HEXB: variants seen among roughly 807,000 people sequenced by gnomAD.
HEXB encodes hexosaminidase subunit beta, also known as beta-hexosaminidase subunit beta.
In HEXB, 51 loss-of-function variants were observed where a neutral mutation model predicts 71.2. The observed-to-expected ratio is 0.72, with a 90% CI of 0.57 to 0.90. HEXB has a LOEUF of 0.90. Ranked by LOEUF, HEXB falls within the 40% of genes least tolerant of loss-of-function variation. The pLI, the probability that HEXB is intolerant of heterozygous loss-of-function variation, is 0.00. For missense variants in HEXB, 617 were observed against 677.0 expected (o/e 0.91, Z 0.98); for synonymous variants, 266 against 249.3 (o/e 1.07, Z -0.63).
rs555505214 is a variant in HEXB, at chr5:74,644,653, G to T, written c.-377+4095G>T. ...GGAAGACAAAGGGTCTAAATCGATA[G>T]TTTTCTAAATTTTGGTTTGCCATCT... is the stretch of plus-strand genomic sequence containing the variant. On this transcript the variant is annotated intron_variant, in intron 1 of 13. Transcript: ENST00000511181. Among the ~76,000 whole-genome samples the T allele has an allele frequency of 4.0e-5, 6 of 149,684 alleles. No individual in the cohort carries two copies. The South Asian group carries it at 1.3e-3, about 32-fold the overall frequency.
At chr5:74,690,647 C>A (rs1232290061) in intron 2 of HEXB, among the ~76,000 whole-genome samples, 1 of 86,988 alleles carries the variant, frequency 1.1e-5, no homozygotes, top group Non-Finnish European at 2.1e-5. Context: ...GTGAGACAGT[C>A]TCAAAAAAAA....
At chr5:74,690,646 T>C (rs1253967088) in intron 2 of HEXB, among the ~76,000 whole-genome samples, 5 of 71,830 alleles carry the variant, frequency 7.0e-5, no homozygotes, top group African/African-American at 2.8e-4. Flanking sequence ...AGTGAGACAG[T>C]CTCAAAAAAA....
At chr5:74,681,639 T>C (rs1748740844), upstream of HEXB, among the ~76,000 whole-genome samples, 1 of 152,198 alleles carries the variant, frequency 6.6e-6, no homozygotes, top group Admixed American at 6.5e-5. Context: ...TCAGAGTTAA[T>C]AACGGGGTGC....
At position 74,685,344 on chromosome 5, in the gene HEXB, G is replaced by T. The variant is rs1446965772; in HGVS notation, c.84G>T (p.Ala28=). The change falls in exon 1 of 14, where the codon GCG becomes GCT. Residue 28 remains alanine, a synonymous_variant. Transcript: ENST00000261416. ...LLATLLAAML[A]LLTQVALVVQ... ...CGACACTGCTGGCGGCGATGTTGGCGCTGCTGACTCAGGTGGCGCTGGTGG... is the reference window on the plus strand; with the variant it reads ...CGACACTGCTGGCGGCGATGTTGGCTCTGCTGACTCAGGTGGCGCTGGTGG... The T allele has an allele frequency of 6.3e-7, 1 of 1,582,358 alleles. No individual in the cohort carries two copies. Among genetic ancestry groups the T allele is most frequent in the Non-Finnish European group, 8.6e-7 (1 of 1,165,956 alleles).
At chr5:74,685,633 A>G (rs1287150299) in intron 1 of HEXB, 74 bp downstream of exon 1, 10 of 1,330,844 alleles carry the variant, frequency 7.5e-6, no homozygotes, top group Non-Finnish European at 1.0e-5. Flanking sequence ...CGCTGTGCAG[A>G]CCCTCACCAC....
intron 2 of HEXB, among the ~76,000 whole-genome samples, chr5:74,692,891 T>C (rs1749034511): frequency 6.6e-6 from 1 of 152,216 alleles, no homozygotes; most frequent in Admixed American, 6.5e-5. Context: ...AAAGACTAAA[T>C]GACTATTGGG....
At chr5:74,696,898 A>C (rs1228690230) in intron 4 of HEXB, 98 bp from the exon 5 acceptor site, 1 of 778,952 alleles carries the variant, frequency 1.3e-6, no homozygotes, top group Non-Finnish European at 2.2e-6. Flanking sequence ...GTTCTAAATT[A>C]ATATTTTATG....
chr5:74,690,786 T>C (rs1580380345), intron 2 of HEXB, among the ~76,000 whole-genome samples: 2 of 151,858 alleles, frequency 1.3e-5, no homozygotes, highest in African/African-American at 4.8e-5. Flanking sequence ...ATCCTGCTGG[T>C]TTAGATGAGA....
intron 1 of HEXB, among the ~76,000 whole-genome samples, chr5:74,670,202 C>G (rs1294308744): frequency 2.0e-5 from 3 of 151,892 alleles, no homozygotes; most frequent in Non-Finnish European, 4.4e-5. Flanking sequence ...TTTGTACACT[C>G]TCATGCCCAC....
intron 3 of HEXB, among the ~76,000 whole-genome samples, chr5:74,694,069 G>C (rs1566431): frequency 0.21 from 31,349 of 152,078 alleles, 3,457 homozygotes; most frequent in African/African-American, 0.26. Context: ...TGAGGTGGGA[G>C]GATTGCTTGA....
intron 7 of HEXB, among the ~76,000 whole-genome samples, 169 bp from the exon 8 acceptor site, chr5:74,715,341 A>G (rs988628569): frequency 2.0e-5 from 3 of 152,250 alleles, no homozygotes; most frequent in African/African-American, 7.2e-5. Context: ...GACAGGATTC[A>G]GGAAACCCTT....
At chr5:74,711,214 G>T (rs1041206003) in intron 6 of HEXB, among the ~76,000 whole-genome samples, 1 of 149,906 alleles carries the variant, frequency 6.7e-6, no homozygotes, top group African/African-American at 2.5e-5. Context: ...AATGGTGCTG[G>T]GAAAACTGGC....
chr5:74,711,060 C>T (rs1749528375), intron 6 of HEXB, among the ~76,000 whole-genome samples: 1 of 150,200 alleles, frequency 6.7e-6, no homozygotes, highest in Admixed American at 6.6e-5. Context: ...GTAACCAAAA[C>T]AGCATGGTAC....
chr5:74,674,747 A>G (rs1748601486), intron 1 of HEXB, among the ~76,000 whole-genome samples: 1 of 152,164 alleles, frequency 6.6e-6, no homozygotes, highest in Non-Finnish European at 1.5e-5. Flanking sequence ...AGCATATGTG[A>G]TGCGGATCAC....
intron 5 of HEXB, among the ~76,000 whole-genome samples, chr5:74,702,020 A>G (rs1370429212): frequency 7.4e-6 from 1 of 134,320 alleles, no homozygotes; most frequent in Non-Finnish European, 1.6e-5. Flanking sequence ...GTTTACTTGT[A>G]TGTCTCTTTG....
intron 1 of HEXB, among the ~76,000 whole-genome samples, chr5:74,654,458 T>A (rs1337018842): frequency 6.6e-6 from 1 of 152,146 alleles, no homozygotes; most frequent in African/African-American, 2.4e-5. Flanking sequence ...CGAGATATAC[T>A]AACAGCTCCC....
Position 74,687,880 on chromosome 5 carries a change from G to A in HEXB, c.300-1448G>A, listed in dbSNP as rs184154605. On this transcript the variant is annotated intron_variant, in intron 1 of 13. Transcript: ENST00000261416. ...ACTTCCAAACATGTCAGAATTTTCC[G>A]ACCTCTTCTGCAAAAAAGCATAAGA... Among the ~76,000 whole-genome samples the A allele has an allele frequency of 1.4e-3, 211 of 151,952 alleles. 1 individual carries two copies. The highest frequency in any genetic ancestry group is 5.1e-3 in the Admixed American group (78 of 15,264).
chr5:74,718,214 T>G (rs527378319), intron 9 of HEXB, 77 bp from the exon 10 acceptor site: 2 of 1,018,088 alleles, frequency 2.0e-6, no homozygotes, highest in Non-Finnish European at 3.1e-6. Flanking sequence ...AAGAAATCCT[T>G]GGTAGAAAAT....
intron 1 of HEXB, among the ~76,000 whole-genome samples, chr5:74,661,671 A>G (rs541070468): frequency 6.6e-6 from 1 of 152,110 alleles, no homozygotes; most frequent in Non-Finnish European, 1.5e-5. Context: ...GGCTGGGATT[A>G]AGGGTACAAG....
Sources: allele counts gnomAD v4.1 joint callset (sites outside exome capture counted in the v4.1 genomes callset), GRCh38; gene constraint gnomAD v4.1.1; transcripts MANE v1.5; gene names NCBI Gene and HGNC (gene_info 2026-07-23, HGNC 2026-07-21).